DUSP16: variants seen among roughly 807,000 people sequenced by gnomAD.
DUSP16 encodes the protein dual specificity protein phosphatase 16.
A neutral mutation model predicts 58.3 loss-of-function variants in DUSP16; 21 were observed. That is an observed-to-expected ratio of 0.36 (90% confidence interval 0.26 to 0.52). DUSP16 has a LOEUF of 0.52. Ranked by LOEUF, DUSP16 falls within the 20% of genes least tolerant of loss-of-function variation. The pLI is 0.94. For synonymous variants in DUSP16, 320 were observed against 323.8 expected (o/e 0.99, Z 0.12); for missense variants, 726 against 819.0 (o/e 0.89, Z 1.39).
chr12:12,557,905 G>A (rs1287776297), intron 1 of DUSP16, among the ~76,000 whole-genome samples: 9 of 152,120 alleles, frequency 5.9e-5, no homozygotes, highest in South Asian at 2.1e-4. Context: ...AATACCTTCC[G>A]CCTTTCGCCT....
intron 4 of DUSP16, among the ~76,000 whole-genome samples, chr12:12,498,959 A>T (rs1943872061): frequency 6.6e-6 from 1 of 152,180 alleles, no homozygotes; most frequent in African/African-American, 2.4e-5. Context: ...TATGTTTAGA[A>T]GCCAGAGTTA....
chr12:12,543,897 A>G (rs981078472), intron 1 of DUSP16, among the ~76,000 whole-genome samples: 5 of 151,938 alleles, frequency 3.3e-5, no homozygotes, highest in African/African-American at 1.2e-4. Flanking sequence ...TACAGCATTG[A>G]TAATACAAGC....
In DUSP16 at chr12:12,481,311, G is replaced by A. The variant is rs542423632; in HGVS notation, c.692-965C>T. On this transcript the variant is annotated intron_variant, in intron 5 of 6. Coordinates refer to ENST00000298573, the MANE Select transcript of DUSP16 (RefSeq NM_030640.3). ...CTGAGGGGCTTAACAATATGTACAT[G>A]TGGCAGGGGACGAGGTTATTCCACA... Among the ~76,000 whole-genome samples, 7 of 152,306 alleles carry A rather than the reference G, an allele frequency of 4.6e-5. No individual in the cohort carries two copies. The South Asian group carries it at 1.4e-3, about 32-fold the overall frequency.
intron 3 of DUSP16, among the ~76,000 whole-genome samples, chr12:12,515,793 T>G (rs1285834028): frequency 6.6e-6 from 1 of 152,072 alleles, no homozygotes; most frequent in East Asian, 1.9e-4. Context: ...TTTTTCTTTT[T>G]GAGACAGAGT....
Position 12,551,558 on chromosome 12 carries a change from C to G in DUSP16, c.-366+10559G>C, listed in dbSNP as rs1225782440. Among the ~76,000 whole-genome samples, 3 of 151,752 alleles carry G rather than the reference C, an allele frequency of 2.0e-5. No homozygotes were observed. The East Asian group carries it at 5.8e-4, about 29-fold the overall frequency. ...ATTTTGGAAAACTTGAATTCGCCAC[C>G]AAGATCTTGACCACTTCCCAATTCT... On this transcript the variant is annotated intron_variant, in intron 1 of 6. Transcript: ENST00000298573.
intron 3 of DUSP16, among the ~76,000 whole-genome samples, chr12:12,506,673 A>C (rs972464580): frequency 6.6e-6 from 1 of 152,206 alleles, no homozygotes; most frequent in Non-Finnish European, 1.5e-5. Flanking sequence ...TATCTGTGCT[A>C]AGAGGAAGGA....
At chr12:12,488,157 T>G (rs1391217641) in intron 4 of DUSP16, among the ~76,000 whole-genome samples, 1 of 152,172 alleles carries the variant, frequency 6.6e-6, no homozygotes, top group Non-Finnish European at 1.5e-5. Context: ...CTGTCCCATA[T>G]AGCACCCCCA....
At chr12:12,503,302 T>G (rs1592179355) in intron 3 of DUSP16, among the ~76,000 whole-genome samples, 1 of 148,288 alleles carries the variant, frequency 6.7e-6, no homozygotes, top group Non-Finnish European at 1.5e-5. Context: ...CTTGGCTCAC[T>G]GCAACCTCCG....
At chr12:12,551,815 C>G (rs1944732784) in intron 1 of DUSP16, among the ~76,000 whole-genome samples, 1 of 151,952 alleles carries the variant, frequency 6.6e-6, no homozygotes, top group Non-Finnish European at 1.5e-5. Flanking sequence ...GTCTCAGCCT[C>G]CCGAGTAGCT....
intron 4 of DUSP16, among the ~76,000 whole-genome samples, chr12:12,494,302 T>C (rs1018260448): frequency 4.6e-5 from 7 of 152,228 alleles, no homozygotes; most frequent in African/African-American, 1.4e-4. Flanking sequence ...TTTAAGGACA[T>C]GTACATTTCA....
chr12:12,490,307 T>C (rs1201436404), intron 4 of DUSP16, among the ~76,000 whole-genome samples: 1 of 152,174 alleles, frequency 6.6e-6, no homozygotes, highest in Non-Finnish European at 1.5e-5. Context: ...AAAAGGTCTA[T>C]TGATTAAATC....
Position 12,542,234 on chromosome 12 carries a change from G to A in DUSP16, c.-366+19883C>T, listed in dbSNP as rs145330539. ...ACTACAAATACAAAATTACCCGGGC[G>A]TGGTGGCACATGCCTGTAATCCCAG... On this transcript the variant is annotated intron_variant, in intron 1 of 6. Coordinates refer to ENST00000298573, the MANE Select transcript of DUSP16 (RefSeq NM_030640.3). Among the ~76,000 whole-genome samples the A allele has an allele frequency of 4.6e-5, 7 of 152,098 alleles. No homozygotes were observed. In the South Asian group the frequency reaches 6.2e-4, roughly 14 times the overall value.
rs534121745 is a variant in DUSP16, at chr12:12,531,684, A to G, written c.-365-10221T>C. Among the ~76,000 whole-genome samples, 28 of 152,340 alleles carry G rather than the reference A, an allele frequency of 1.8e-4. 1 individual carries two copies. The South Asian group carries it at 5.8e-3, about 32-fold the overall frequency. On this transcript the variant is annotated intron_variant, in intron 1 of 6. Transcript: ENST00000298573. The stretch of plus-strand genomic sequence containing the variant: ...TCAGGAGTTCAAGACCAGTCTGGCC[A>G]ACAGGGCGAAACCCCGTCTCTACTA...
intron 1 of DUSP16, among the ~76,000 whole-genome samples, chr12:12,533,182 G>C (rs570297046): frequency 6.6e-6 from 1 of 152,104 alleles, no homozygotes; most frequent in Non-Finnish European, 1.5e-5. Context: ...AGTTTATTTG[G>C]TATACAAAGG....
At chr12:12,553,476 A>G (rs1944761516) in intron 1 of DUSP16, among the ~76,000 whole-genome samples, 1 of 152,256 alleles carries the variant, frequency 6.6e-6, no homozygotes, top group South Asian at 2.1e-4. Context: ...AAAGCAATTT[A>G]TAAACTACAA....
chr12:12,496,901 C>T (rs528043962), intron 4 of DUSP16, among the ~76,000 whole-genome samples: 4 of 152,288 alleles, frequency 2.6e-5, no homozygotes, highest in South Asian at 2.1e-4. Flanking sequence ...GTACCGATGA[C>T]CTCTTATGGT....
At chr12:12,518,608 C>T (rs1566017616) in intron 3 of DUSP16, among the ~76,000 whole-genome samples, 1 of 151,982 alleles carries the variant, frequency 6.6e-6, no homozygotes, top group Non-Finnish European at 1.5e-5. Context: ...GAAATGAGTT[C>T]CTAAACTCAC....
chr12:12,478,042 C>A lies in DUSP16; in HGVS notation c.816-27G>T, dbSNP rs1192715225. 5 of 1,500,970 alleles carry A rather than the reference C, an allele frequency of 3.3e-6. No homozygotes were observed. The Admixed American group carries it at 1.1e-4, about 32-fold the overall frequency. The allele number at this position is 1,500,970 out of a possible 1,614,324, so 93.0% of individuals were successfully genotyped here. A position where few individuals can be genotyped will look rare whatever the true frequency, so the allele number is the denominator to read the frequency against. On this transcript the variant is annotated intron_variant, in intron 6 of 6. Coordinates refer to ENST00000298573, the MANE Select transcript of DUSP16 (RefSeq NM_030640.3). ...TGCAGAGAGAGGAAAAAACAAAAAC[C>A]CGAATTTTACAACTACACTTTATCT...
Position 12,506,489 on chromosome 12 carries a change from T to A in DUSP16, c.368-5807A>T, listed in dbSNP as rs570587175. 1.1e-4 allele frequency among the ~76,000 whole-genome samples: 17 copies of A among 152,334 alleles called. No homozygotes were observed. In the South Asian group the frequency reaches 3.5e-3, roughly 32 times the overall value. On this transcript the variant is annotated intron_variant, in intron 3 of 6. Coordinates refer to ENST00000298573, the MANE Select transcript of DUSP16 (RefSeq NM_030640.3). ...GCTTCTTGAAAAAATTTGCGCCTATTTTTTAAAGTTGTCTGAAGACTTGGC... is the reference window on the plus strand; with the variant it reads ...GCTTCTTGAAAAAATTTGCGCCTATATTTTAAAGTTGTCTGAAGACTTGGC...
Sources: allele counts gnomAD v4.1 joint callset (sites outside exome capture counted in the v4.1 genomes callset), GRCh38; gene constraint gnomAD v4.1.1; transcripts MANE v1.5; gene names NCBI Gene and HGNC (gene_info 2026-07-23, HGNC 2026-07-21).